GRID2: variants seen among roughly 807,000 people sequenced by gnomAD.
The protein encoded by GRID2 is glutamate ionotropic receptor delta type subunit 2.
A neutral mutation model predicts 114.8 loss-of-function variants in GRID2; 33 were observed. The observed-to-expected ratio is 0.29, with a 90% CI of 0.22 to 0.38. GRID2 has a LOEUF of 0.38. GRID2 is among the 10% of genes least tolerant of loss of function. The pLI, the probability that GRID2 is intolerant of heterozygous loss-of-function variation, is 1.00. For synonymous variants in GRID2, 505 were observed against 449.9 expected, an observed-to-expected ratio of 1.12 and a Z score of -1.55; for missense variants, 1,184 against 1,257.7, an observed-to-expected ratio of 0.94 and a Z score of 0.89.
intron 9 of GRID2, among the ~76,000 whole-genome samples, chr4:93,398,971 A>G (rs1467891253): frequency 6.6e-6 from 1 of 151,822 alleles, no homozygotes; most frequent in Non-Finnish European, 1.5e-5. Context: ...GCTCTTAGTT[A>G]TATGGCCTTG....
chr4:92,884,912 A>G (rs1746265896), intron 2 of GRID2: 4 of 370,252 alleles, frequency 1.1e-5, no homozygotes, highest in Non-Finnish European at 2.2e-5. Context: ...TGTAGATGAT[A>G]AGCTGGTGAC....
chr4:93,410,515 A>G (rs1362669056), intron 9 of GRID2, among the ~76,000 whole-genome samples: 1 of 152,096 alleles, frequency 6.6e-6, no homozygotes, highest in East Asian at 1.9e-4. Flanking sequence ...CTGGCAATTT[A>G]CTCCCAGAAG....
At chr4:92,458,943 C>A (rs1400249865) in intron 1 of GRID2, among the ~76,000 whole-genome samples, 1 of 152,130 alleles carries the variant, frequency 6.6e-6, no homozygotes, top group African/African-American at 2.4e-5. Context: ...AATGATCCCA[C>A]AACAGGAGAT....
Position 93,194,098 on chromosome 4 carries a change from C to T in GRID2, c.736-13306C>T, listed in dbSNP as rs1049792974. Among the ~76,000 whole-genome samples, 7 of 152,186 alleles carry T rather than the reference C, an allele frequency of 4.6e-5. No homozygotes were observed. In the South Asian group the frequency reaches 1.5e-3, roughly 32 times the overall value. ...GCGGAACTCATTCCTACTCTTGAAC[C>T]TGGAATGGAATGTAAGAAATAAAGA... is the stretch of plus-strand genomic sequence containing the variant. On this transcript the variant is annotated intron_variant, in intron 4 of 15. Coordinates refer to ENST00000282020, the MANE Select transcript of GRID2 (RefSeq NM_001510.4).
At chr4:92,436,504 C>A (rs143054973) in intron 1 of GRID2, among the ~76,000 whole-genome samples, 4 of 152,098 alleles carry the variant, frequency 2.6e-5, no homozygotes, top group African/African-American at 9.6e-5. Context: ...TAAATTTTCT[C>A]AGCTTTTTTT....
At chr4:93,206,475 CAA>C (rs1285025476) in intron 4 of GRID2, among the ~76,000 whole-genome samples, 1 of 151,938 alleles carries the variant, frequency 6.6e-6, no homozygotes, top group Non-Finnish European at 1.5e-5. Context: ...TGACCTCTTA[CAA>C]AAGAGTCTCA....
chr4:92,416,297 G>T (rs1191233934), intron 1 of GRID2, among the ~76,000 whole-genome samples: 1 of 152,082 alleles, frequency 6.6e-6, no homozygotes, highest in Non-Finnish European at 1.5e-5. Context: ...GTAGATTCTG[G>T]ATATTCGTCC....
At chr4:92,889,291 A>G (rs1746579324) in intron 2 of GRID2, among the ~76,000 whole-genome samples, 1 of 152,212 alleles carries the variant, frequency 6.6e-6, no homozygotes, top group Non-Finnish European at 1.5e-5. Flanking sequence ...AGAAAGAAAT[A>G]AAGGGTATTC....
chr4:93,774,936 G>T (rs1013688640), downstream of GRID2, among the ~76,000 whole-genome samples: 1 of 151,858 alleles, frequency 6.6e-6, no homozygotes, highest in Non-Finnish European at 1.5e-5. Flanking sequence ...AAAATTAAGG[G>T]TAATTATTAA....
intron 2 of GRID2, among the ~76,000 whole-genome samples, chr4:92,704,794 G>T (rs1579879239): frequency 7.4e-6 from 1 of 135,474 alleles, no homozygotes. Flanking sequence ...CCTCTCTGGG[G>T]CCCTCCCCTT....
rs145623450 is a variant in GRID2 at position 93,012,575 on chromosome 4, G to A, written c.245-72420G>A. Among the ~76,000 whole-genome samples, 570 of 152,066 alleles carry A rather than the reference G, an allele frequency of 3.7e-3. 20 individuals carry two copies. The East Asian group carries it at 0.061, about 16-fold the overall frequency. ...GTGTATCATCCAGAGCTGGACTCTG[G>A]AGTTGTCCCTTGTGAACATTAATTA... On this transcript the variant is annotated intron_variant, in intron 2 of 15. Transcript: ENST00000282020.
chr4:93,439,341 A>G (rs1347263768), intron 10 of GRID2, among the ~76,000 whole-genome samples: 2 of 152,086 alleles, frequency 1.3e-5, no homozygotes, highest in Non-Finnish European at 2.9e-5. Flanking sequence ...TTGGTGAGAA[A>G]TTTAGCAGAG....
rs538933165 is a variant in GRID2 at position 93,276,352 on chromosome 4, A to T, written c.1245+37862A>T. ...AGTCCCCACTATCTTGATACCTGCA[A>T]CTTGTGGCAATTTTGAAATCATAAT... On this transcript the variant is annotated intron_variant, in intron 8 of 15. Coordinates refer to ENST00000282020, the MANE Select transcript of GRID2 (RefSeq NM_001510.4). 5.3e-5 allele frequency among the ~76,000 whole-genome samples: 8 copies of T among 152,042 alleles called. No individual in the cohort carries two copies. The South Asian group carries it at 8.3e-4, about 16-fold the overall frequency.
intron 2 of GRID2, among the ~76,000 whole-genome samples, chr4:92,840,298 G>A (rs1286593523): frequency 3.3e-5 from 5 of 151,762 alleles, no homozygotes; most frequent in African/African-American, 1.2e-4. Context: ...TTTTAATAGG[G>A]AAATTTAGTT....
intron 1 of GRID2, among the ~76,000 whole-genome samples, chr4:92,312,885 C>A (rs1725777527): frequency 6.6e-6 from 1 of 152,022 alleles, no homozygotes; most frequent in African/African-American, 2.4e-5. Flanking sequence ...GTGGAGATTT[C>A]TTAAAGAACT....
chr4:92,466,991 A>G (rs1721788683), intron 1 of GRID2, among the ~76,000 whole-genome samples: 1 of 151,854 alleles, frequency 6.6e-6, no homozygotes, highest in Non-Finnish European at 1.5e-5. Flanking sequence ...AATCTTAATT[A>G]TCAATGATAA....
At chr4:93,386,636 G>A (rs891184900) in intron 8 of GRID2, among the ~76,000 whole-genome samples, 5 of 152,122 alleles carry the variant, frequency 3.3e-5, no homozygotes, top group Non-Finnish European at 7.3e-5. Flanking sequence ...ATGGCACCAC[G>A]CAAGGGTCAG....
downstream of GRID2, among the ~76,000 whole-genome samples, chr4:93,777,871 A>T (rs1356419208): frequency 8.5e-5 from 13 of 152,312 alleles, no homozygotes; most frequent in East Asian, 2.5e-3. Flanking sequence ...GTTATATTTT[A>T]TTATTAAATT....
intron 2 of GRID2, among the ~76,000 whole-genome samples, chr4:92,606,084 G>A (rs12643761): frequency 0.38 from 57,144 of 151,760 alleles, 11,075 homozygotes; most frequent in African/African-American, 0.48. Flanking sequence ...AATTTACTCA[G>A]TTTTCCTGTT....
Sources: gnomAD v4.1 joint callset for allele counts (sites outside exome capture counted in the v4.1 genomes callset) on GRCh38, gnomAD v4.1.1 for gene constraint, MANE v1.5 for transcripts, NCBI Gene and HGNC (gene_info 2026-07-23, HGNC 2026-07-21) for gene names.